RGS6: variants seen among roughly 807,000 people sequenced by gnomAD.
RGS6 encodes the protein regulator of G protein signaling 6.
In RGS6, 30 loss-of-function variants were observed where a neutral mutation model predicts 78.5. That is an observed-to-expected ratio of 0.38 (90% CI 0.29 to 0.52). The LOEUF is 0.52. Among genes scored for constraint, RGS6 ranks in the 20% least tolerant of loss-of-function variants. The pLI, the probability that RGS6 is intolerant of heterozygous loss-of-function variation, is 0.85. For synonymous variants in RGS6, 206 were observed against 206.0 expected (o/e 1.00, Z 0.00); for missense variants, 495 against 609.7 (o/e 0.81, Z 1.98).
chr14:72,324,630 T>G lies in RGS6; in HGVS notation c.85-27465T>G, dbSNP rs552906459. ...GTTTGGTTTTCTGTCCTTGCGATAGTTTGCTGAGAATGATGGTTTCCAGCT... is the reference window on the plus strand; with the variant it reads ...GTTTGGTTTTCTGTCCTTGCGATAGGTTGCTGAGAATGATGGTTTCCAGCT... On this transcript the variant is annotated intron_variant, in intron 2 of 17. Coordinates refer to ENST00000553525, the MANE Select transcript of RGS6 (RefSeq NM_001204424.2). Among the ~76,000 whole-genome samples, 1,099 of 152,224 alleles carry G rather than the reference T, an allele frequency of 7.2e-3. 16 individuals carry two copies. Among genetic ancestry groups the G allele is most frequent in the African/African-American group, 0.024 (1,009 of 41,516 alleles).
the RGS6 span, among the ~76,000 whole-genome samples, chr14:72,617,597 C>A: frequency 3.8e-4 from 58 of 152,316 alleles, no homozygotes; most frequent in East Asian, 9.8e-3. Context: ...AGGAGAGTGA[C>A]CCCCATCGCT....
intron 2 of RGS6, among the ~76,000 whole-genome samples, chr14:72,054,261 GGTTTT>G (rs138053352): frequency 0.57 from 86,484 of 150,884 alleles, 25,189 homozygotes; most frequent in East Asian, 0.8. Context: ...TTGTTTGGGA[GGTTTT>G]GTTTTGTTTT....
At position 72,459,701 on chromosome 14, in the gene RGS6, T is replaced by C. The variant is rs774331347; in HGVS notation, c.394+18T>C. On this transcript the variant is annotated intron_variant, in intron 6 of 17. Coordinates refer to ENST00000553525, the MANE Select transcript of RGS6 (RefSeq NM_001204424.2). ...TGACTATGGTGAGAACTGAAGCCAC[T>C]GGGAACTCTCAACTTCAACACTGTG... 3.1e-6 allele frequency: 5 copies of C among 1,613,564 alleles called. No homozygotes were observed. In the South Asian group the frequency reaches 5.5e-5, roughly 18 times the overall value.
chr14:72,579,438 A>G, the RGS6 span, among the ~76,000 whole-genome samples: 1 of 152,196 alleles, frequency 6.6e-6, no homozygotes, highest in Non-Finnish European at 1.5e-5. Flanking sequence ...ATCAGAATGC[A>G]TCCCTCTTCC....
intron 2 of RGS6, among the ~76,000 whole-genome samples, chr14:72,008,449 C>T (rs541368442): frequency 2.0e-4 from 31 of 152,272 alleles, no homozygotes; most frequent in African/African-American, 6.0e-4. Flanking sequence ...TAGGCAGCCT[C>T]CAAGATGGCT....
At chr14:72,571,687 G>A in the RGS6 span, among the ~76,000 whole-genome samples, 1 of 152,204 alleles carries the variant, frequency 6.6e-6, no homozygotes, top group Non-Finnish European at 1.5e-5. Context: ...AAAATGGATA[G>A]AAGAGCTAAT....
the RGS6 span, among the ~76,000 whole-genome samples, chr14:72,612,012 C>T: frequency 1.8e-4 from 28 of 152,216 alleles, no homozygotes; most frequent in Admixed American, 5.2e-4. Context: ...CCAGCCCCTA[C>T]AGGACCTAGA....
chr14:72,324,970 A>C lies in RGS6; in HGVS notation c.85-27125A>C, dbSNP rs184998171. The stretch of plus-strand genomic sequence containing the variant: ...TGGCTGAACTAGTTTACAGCCCCAC[A>C]AACAGTGTAAAAGTGTTCCTATTTC... On this transcript the variant is annotated intron_variant, in intron 2 of 17. Coordinates refer to ENST00000553525, the MANE Select transcript of RGS6 (RefSeq NM_001204424.2). Among the ~76,000 whole-genome samples, 443 of 152,296 alleles carry C rather than the reference A, an allele frequency of 2.9e-3. 15 individuals carry two copies. The East Asian group carries it at 0.07, about 24-fold the overall frequency.
intron 1 of RGS6, among the ~76,000 whole-genome samples, chr14:71,952,796 A>T (rs776127474): frequency 2.6e-5 from 4 of 152,058 alleles, no homozygotes; most frequent in Admixed American, 2.6e-4. Context: ...ACATATAAAC[A>T]TACTGATTTT....
At chr14:72,577,321 T>G in the RGS6 span, among the ~76,000 whole-genome samples, 1 of 152,230 alleles carries the variant, frequency 6.6e-6, no homozygotes, top group Non-Finnish European at 1.5e-5. Context: ...GATGGCCCAC[T>G]ATGGCTGAAT....
intron 2 of RGS6, among the ~76,000 whole-genome samples, chr14:72,091,539 C>G (rs1013316726): frequency 2.0e-5 from 3 of 152,198 alleles, no homozygotes; most frequent in African/African-American, 7.2e-5. Context: ...CTGAGGTTGA[C>G]TTTGAGAAGG....
intron 2 of RGS6, among the ~76,000 whole-genome samples, chr14:72,182,124 C>T (rs2097180501): frequency 6.6e-6 from 1 of 151,970 alleles, no homozygotes; most frequent in African/African-American, 2.4e-5. Flanking sequence ...AAATGTATAG[C>T]TTAGGCCAGG....
chr14:72,324,227 T>C (rs1595809907), intron 2 of RGS6, among the ~76,000 whole-genome samples: 1 of 152,062 alleles, frequency 6.6e-6, no homozygotes, highest in East Asian at 1.9e-4. Flanking sequence ...TATTTACATA[T>C]CAATAAAAAA....
At chr14:72,001,396 G>GA (rs947008328) in intron 2 of RGS6, among the ~76,000 whole-genome samples, 3 of 151,478 alleles carry the variant, frequency 2.0e-5, no homozygotes, top group African/African-American at 4.9e-5. Context: ...GCCTTTTCTA[G>GA]AAAAAACGTT....
intron 14 of RGS6, chr14:72,511,532 T>A (rs1245666469): frequency 2.0e-5 from 3 of 152,272 alleles, no homozygotes; most frequent in Non-Finnish European, 4.4e-5. Context: ...AATCATTGAA[T>A]GTCTATAAAT....
At chr14:72,110,253 CTTATT>C (rs1368205323) in intron 2 of RGS6, among the ~76,000 whole-genome samples, 1 of 152,210 alleles carries the variant, frequency 6.6e-6, no homozygotes, top group Non-Finnish European at 1.5e-5. Context: ...GAGGAAGAGA[CTTATT>C]TTAACTCAGA....
intron 3 of RGS6, among the ~76,000 whole-genome samples, chr14:72,388,282 A>G (rs540592560): frequency 6.6e-6 from 1 of 152,314 alleles, no homozygotes; most frequent in South Asian, 2.1e-4. Flanking sequence ...ATATATATAC[A>G]CATATGTGTG....
intron 13 of RGS6, among the ~76,000 whole-genome samples, chr14:72,503,272 G>A (rs2096753057): frequency 6.6e-6 from 1 of 152,140 alleles, no homozygotes; most frequent in African/African-American, 2.4e-5. Flanking sequence ...AAATTTGAAG[G>A]GGAACACAGA....
At chr14:72,241,985 C>T (rs190459550) in intron 2 of RGS6, among the ~76,000 whole-genome samples, 24 of 152,312 alleles carry the variant, frequency 1.6e-4, no homozygotes, top group Non-Finnish European at 3.1e-4. Flanking sequence ...TATGCTGGAA[C>T]ATCAAATAGT....
Sources: allele counts gnomAD v4.1 joint callset (sites outside exome capture counted in the v4.1 genomes callset), GRCh38; gene constraint gnomAD v4.1.1; transcripts MANE v1.5; gene names NCBI Gene and HGNC (gene_info 2026-07-23, HGNC 2026-07-21).